Variants in LMBR1 observed in about 807,000 individuals in gnomAD.
The protein encoded by LMBR1 is limb region 1 protein homolog.
Under a neutral mutation model 73.9 loss-of-function variants are expected in LMBR1, and 52 were observed. The ratio of observed to expected loss-of-function variants is 0.70; its 90% CI spans 0.56 to 0.89. The LOEUF is 0.89. LMBR1 is among the 40% of genes least tolerant of loss of function. The probability of loss-of-function intolerance (pLI) is 0.00; values close to 1 mark genes in which losing one functional copy is unlikely to be tolerated. For missense variants in LMBR1, 539 were observed against 579.8 expected, an observed-to-expected ratio of 0.93 and a Z score of 0.72; for synonymous variants, 215 against 209.4, an observed-to-expected ratio of 1.03 and a Z score of -0.23.
At chr7:156,671,149 A>T (rs1440528825) in intron 4 of LMBR1, among the ~76,000 whole-genome samples, 4 of 152,244 alleles carry the variant, frequency 2.6e-5, no homozygotes, top group Admixed American at 2.6e-4. Flanking sequence ...AAAGAGAATG[A>T]ATAGAAAACT....
At chr7:156,785,276 C>CA (rs963049163) in intron 5 of LMBR1, among the ~76,000 whole-genome samples, 38 of 151,646 alleles carry the variant, frequency 2.5e-4, no homozygotes, top group Admixed American at 1.1e-3. Context: ...GACTCTGTCT[C>CA]AAAAAACACA....
At chr7:156,702,479 T>C (rs1809987344) in intron 15 of LMBR1, among the ~76,000 whole-genome samples, 1 of 152,240 alleles carries the variant, frequency 6.6e-6, no homozygotes, top group South Asian at 2.1e-4. Flanking sequence ...GTTTGTTTTT[T>C]TCTTGTAAAT....
chr7:156,880,189 C>A (rs947907311), intron 1 of LMBR1, among the ~76,000 whole-genome samples: 1 of 152,186 alleles, frequency 6.6e-6, no homozygotes, highest in Non-Finnish European at 1.5e-5. Flanking sequence ...GAAATAATGG[C>A]ATTCACAACA....
At chr7:156,719,196 T>C (rs1813948617) in intron 15 of LMBR1, among the ~76,000 whole-genome samples, 1 of 144,472 alleles carries the variant, frequency 6.9e-6, no homozygotes, top group Admixed American at 7.0e-5. Flanking sequence ...GTGTTCTCAT[T>C]GTTCAATTCC....
intron 1 of LMBR1, among the ~76,000 whole-genome samples, chr7:156,850,005 T>G (rs1001955889): frequency 6.6e-6 from 1 of 152,162 alleles, no homozygotes; most frequent in African/African-American, 2.4e-5. Context: ...AAAAATAAAG[T>G]CTAATTTTAA....
chr7:156,712,491 A>G (rs909499368), intron 15 of LMBR1, among the ~76,000 whole-genome samples: 15 of 152,238 alleles, frequency 9.9e-5, no homozygotes, highest in African/African-American at 3.6e-4. Flanking sequence ...CTACCATCTG[A>G]TCCAGCAATC....
intron 9 of LMBR1, among the ~76,000 whole-genome samples, chr7:156,746,151 A>G (rs1489960133): frequency 6.6e-6 from 1 of 152,234 alleles, no homozygotes; most frequent in African/African-American, 2.4e-5. Context: ...TAGTCTTAGT[A>G]ATAAATATAT....
At chr7:156,815,267 C>T (rs1833737104) in intron 4 of LMBR1, among the ~76,000 whole-genome samples, 1 of 151,746 alleles carries the variant, frequency 6.6e-6, no homozygotes, top group African/African-American at 2.4e-5. Flanking sequence ...AGTTAGCTCT[C>T]AACCCTTTCC....
intron 5 of LMBR1, among the ~76,000 whole-genome samples, chr7:156,785,956 C>A (rs912301545): frequency 2.6e-5 from 4 of 152,126 alleles, no homozygotes; most frequent in Admixed American, 6.5e-5. Flanking sequence ...AATAAGCCAC[C>A]AATAAATATT....
intron 9 of LMBR1, among the ~76,000 whole-genome samples, chr7:156,752,370 T>C (rs1338064666): frequency 6.6e-6 from 1 of 152,206 alleles, no homozygotes; most frequent in East Asian, 1.9e-4. Context: ...GGGAAAATTA[T>C]AGCATATCTT....
chr7:156,805,240 C>CA (rs1488166020), intron 4 of LMBR1, among the ~76,000 whole-genome samples: 12 of 110,826 alleles, frequency 1.1e-4, no homozygotes, highest in African/African-American at 3.2e-4. Flanking sequence ...TTTTTTGAGA[C>CA]AAAGTCTTGC....
chr7:156,818,430 A>G (rs1222564508), intron 4 of LMBR1, among the ~76,000 whole-genome samples: 4 of 152,238 alleles, frequency 2.6e-5, no homozygotes, highest in Non-Finnish European at 5.9e-5. Flanking sequence ...GTGAGTGGAC[A>G]GCTTAGCCAA....
intron 4 of LMBR1, chr7:156,823,840 C>T (rs1440486648): frequency 6.6e-6 from 1 of 152,306 alleles, no homozygotes; most frequent in Non-Finnish European, 1.5e-5. Context: ...CCTGTAATCC[C>T]AGCACTTTGG....
intron 4 of LMBR1, chr7:156,822,386 C>A (rs1300036472): frequency 6.6e-6 from 1 of 152,174 alleles, no homozygotes; most frequent in African/African-American, 2.4e-5. Context: ...ACAATATGCT[C>A]AAGGTTGCTA....
chr7:156,695,614 G>A (rs1808116907), intron 15 of LMBR1, among the ~76,000 whole-genome samples: 1 of 152,080 alleles, frequency 6.6e-6, no homozygotes, highest in African/African-American at 2.4e-5. Flanking sequence ...GCAGCACCAA[G>A]GGGGATGGTG....
intron 15 of LMBR1, among the ~76,000 whole-genome samples, chr7:156,699,626 G>A (rs917920460): frequency 2.7e-4 from 41 of 151,890 alleles, no homozygotes; most frequent in African/African-American, 6.5e-4. Flanking sequence ...GCAACCTACA[G>A]AATGGGAGAA....
intron 1 of LMBR1, among the ~76,000 whole-genome samples, chr7:156,861,544 T>G (rs1797717877): frequency 2.0e-5 from 3 of 152,236 alleles, no homozygotes. Flanking sequence ...TGCAAATTTC[T>G]GCAGCCAGCT....
At chr7:156,865,897 A>G (rs1347410277) in intron 1 of LMBR1, among the ~76,000 whole-genome samples, 2 of 152,212 alleles carry the variant, frequency 1.3e-5, no homozygotes, top group African/African-American at 4.8e-5. Flanking sequence ...AAAAGAATGG[A>G]GATGGGACCC....
intron 15 of LMBR1, among the ~76,000 whole-genome samples, chr7:156,703,795 G>A (rs1271005599): frequency 1.3e-5 from 2 of 152,102 alleles, no homozygotes; most frequent in East Asian, 3.9e-4. Context: ...TCTCCAAGGT[G>A]GAGCATGGCA....
Sources: gnomAD v4.1 joint callset for allele counts (sites outside exome capture counted in the v4.1 genomes callset) on GRCh38, gnomAD v4.1.1 for gene constraint, MANE v1.5 for transcripts, NCBI Gene and HGNC (gene_info 2026-07-23, HGNC 2026-07-21) for gene names.